ARHGAP32: variants seen among roughly 807,000 people sequenced by gnomAD.
The protein encoded by ARHGAP32 is rho GTPase-activating protein 32.
Under a neutral mutation model 186.5 loss-of-function variants are expected in ARHGAP32, and 51 were observed. That is an observed-to-expected ratio of 0.27 (90% CI 0.22 to 0.35). The LOEUF is 0.35. ARHGAP32 is among the 10% of genes least tolerant of loss of function. The pLI, the probability that ARHGAP32 is intolerant of heterozygous loss-of-function variation, is 1.00. For missense variants in ARHGAP32, 2,186 were observed against 2,623.5 expected, an observed-to-expected ratio of 0.83 and a Z score of 3.64; for synonymous variants, 950 against 964.3, an observed-to-expected ratio of 0.99 and a Z score of 0.27.
At chr11:129,161,097 C>T (rs1399923155) in intron 2 of ARHGAP32, among the ~76,000 whole-genome samples, 1 of 151,868 alleles carries the variant, frequency 6.6e-6, no homozygotes, top group Non-Finnish European at 1.5e-5. Context: ...AAACTGGATA[C>T]CCATATGCAG....
intron 6 of ARHGAP32, among the ~76,000 whole-genome samples, chr11:129,087,673 C>T (rs1202941653): frequency 2.6e-5 from 4 of 152,146 alleles, no homozygotes; most frequent in African/African-American, 9.7e-5. Context: ...CATGTCATTA[C>T]ACATTTTTCT....
intron 5 of ARHGAP32, among the ~76,000 whole-genome samples, chr11:129,120,206 T>C (rs1942487361): frequency 6.6e-6 from 1 of 152,058 alleles, no homozygotes. Flanking sequence ...GCTGATGGAC[T>C]GGATGTGAGG....
chr11:129,258,304 G>C (rs542120601), intron 1 of ARHGAP32, among the ~76,000 whole-genome samples: 40 of 152,286 alleles, frequency 2.6e-4, no homozygotes, highest in East Asian at 1.5e-3. Context: ...AGGTGGTTGA[G>C]TTTAACTTTC....
At chr11:129,126,561 T>G (rs945601003) in intron 2 of ARHGAP32, among the ~76,000 whole-genome samples, 5 of 152,100 alleles carry the variant, frequency 3.3e-5, no homozygotes, top group Non-Finnish European at 7.4e-5. Flanking sequence ...AGAAAAACAC[T>G]GACAAAGAAA....
chr11:129,162,524 T>C (rs925694704), intron 2 of ARHGAP32, among the ~76,000 whole-genome samples: 9 of 152,144 alleles, frequency 5.9e-5, no homozygotes, highest in African/African-American at 1.9e-4. Context: ...ATGGGACAAC[T>C]ACAGGCAAGA....
intron 6 of ARHGAP32, among the ~76,000 whole-genome samples, chr11:129,083,280 CAT>C (rs757896851): frequency 2.6e-5 from 4 of 152,166 alleles, no homozygotes; most frequent in Non-Finnish European, 4.4e-5. Flanking sequence ...CTTGCCCACA[CAT>C]GTTTATAGCA....
chr11:129,138,353 A>G (rs1784011), intron 2 of ARHGAP32, among the ~76,000 whole-genome samples: 1 of 151,682 alleles, frequency 6.6e-6, no homozygotes. Flanking sequence ...ATCTCTAACA[A>G]GGGAAATATT....
chr11:129,035,711 G>A (rs1193056192), intron 11 of ARHGAP32, among the ~76,000 whole-genome samples: 1 of 152,032 alleles, frequency 6.6e-6, no homozygotes, highest in Admixed American at 6.6e-5. Context: ...GGTCGTGGCG[G>A]CATGTGTCTG....
At chr11:129,135,627 C>T (rs1466286119) in intron 2 of ARHGAP32, among the ~76,000 whole-genome samples, 7 of 151,994 alleles carry the variant, frequency 4.6e-5, no homozygotes, top group African/African-American at 1.7e-4. Flanking sequence ...ATTAGCCAGG[C>T]GTGGTGGCAG....
chr11:129,078,585 T>C (rs990627414), intron 6 of ARHGAP32, among the ~76,000 whole-genome samples: 2 of 152,152 alleles, frequency 1.3e-5, no homozygotes, highest in African/African-American at 4.8e-5. Flanking sequence ...CTCCGCCTCC[T>C]GGGTCCAAGT....
intron 5 of ARHGAP32, among the ~76,000 whole-genome samples, chr11:129,109,707 G>T (rs1372696712): frequency 6.6e-6 from 1 of 151,880 alleles, no homozygotes; most frequent in Admixed American, 6.6e-5. Flanking sequence ...GTATCTGTTG[G>T]CCATTTGTAT....
chr11:129,023,946 C>T (rs1448598049), intron 11 of ARHGAP32: 1 of 985,228 alleles, frequency 1.0e-6, no homozygotes, highest in Non-Finnish European at 1.2e-6. Context: ...GATACAACAG[C>T]TCTGCATTCC....
At position 129,039,337 on chromosome 11, in the gene ARHGAP32, T is replaced by C. The variant is rs192615531; in HGVS notation, c.1045+1591A>G. ...AAACAACTCCAAATGAATAAACAAA[T>C]AAAATGTGGCATATGCATACAATGA... is the stretch of plus-strand genomic sequence containing the variant. On this transcript the variant is annotated intron_variant, in intron 11 of 22. Coordinates refer to ENST00000682385, the MANE Select transcript of ARHGAP32 (RefSeq NM_001378024.1). 6.7e-4 allele frequency among the ~76,000 whole-genome samples: 102 copies of C among 152,232 alleles called. 1 individual carries two copies. Among genetic ancestry groups the C allele is most frequent in the Non-Finnish European group, 1.0e-4 (7 of 67,986 alleles).
chr11:129,073,144 C>T, intron 6 of ARHGAP32, among the ~76,000 whole-genome samples: 1 of 152,178 alleles, frequency 6.6e-6, no homozygotes, highest in South Asian at 2.1e-4. Flanking sequence ...CTTACCATCA[C>T]ATTACTAACG....
chr11:129,274,487 C>T (rs1945508539), intron 1 of ARHGAP32, among the ~76,000 whole-genome samples: 1 of 152,108 alleles, frequency 6.6e-6, no homozygotes, highest in African/African-American at 2.4e-5. Flanking sequence ...TCTGGATCAT[C>T]TCACTTCACT....
chr11:129,206,537 G>C (rs1363751072), intron 1 of ARHGAP32, among the ~76,000 whole-genome samples: 1 of 151,972 alleles, frequency 6.6e-6, no homozygotes, highest in East Asian at 1.9e-4. Context: ...TTTTTAAATA[G>C]CTCATTCATT....
chr11:129,000,726 A>G lies in ARHGAP32; in HGVS notation c.1046-2258T>C, dbSNP rs1182951588. On this transcript the variant is annotated intron_variant, in intron 11 of 22. Coordinates refer to ENST00000682385, the MANE Select transcript of ARHGAP32 (RefSeq NM_001378024.1). ...ATGCTAGGTCTTACTCATTCTTTCT[A>G]TTTTTTGTACCCATTAACCATCCCT... 2.6e-5 allele frequency among the ~76,000 whole-genome samples: 4 copies of G among 151,942 alleles called. No homozygotes were observed. The East Asian group carries it at 7.7e-4, about 29-fold the overall frequency.
chr11:128,980,122 G>C (rs747144593), intron 18 of ARHGAP32, among the ~76,000 whole-genome samples: 30 of 152,170 alleles, frequency 2.0e-4, no homozygotes, highest in Non-Finnish European at 4.0e-4. Flanking sequence ...GCTGTTGGCT[G>C]GGAGACCACA....
intron 1 of ARHGAP32, among the ~76,000 whole-genome samples, chr11:129,173,427 C>G (rs1437834493): frequency 6.6e-6 from 1 of 152,102 alleles, no homozygotes; most frequent in Non-Finnish European, 1.5e-5. Context: ...TGAAACCACT[C>G]CAAACAATTA....
Sources: allele counts gnomAD v4.1 joint callset (sites outside exome capture counted in the v4.1 genomes callset), GRCh38; gene constraint gnomAD v4.1.1; transcripts MANE v1.5; gene names NCBI Gene and HGNC (gene_info 2026-07-23, HGNC 2026-07-21).